Variants in LRRC8D observed in about 807,000 individuals in gnomAD.
LRRC8D encodes volume-regulated anion channel subunit LRRC8D.
A neutral mutation model predicts 55.8 loss-of-function variants in LRRC8D; 20 were observed. The observed-to-expected ratio is 0.36, with a 90% CI of 0.25 to 0.52. The LOEUF (loss-of-function observed/expected upper bound fraction) is 0.52. Among genes scored for constraint, LRRC8D ranks in the 20% least tolerant of loss-of-function variants. The pLI, the probability that LRRC8D is intolerant of heterozygous loss-of-function variation, is 0.93. For missense variants in LRRC8D, 651 were observed against 1,030.8 expected, an observed-to-expected ratio of 0.63 and a Z score of 5.05; for synonymous variants, 352 against 377.0, an observed-to-expected ratio of 0.93 and a Z score of 0.77.
At chr1:89,854,708 G>A (rs1167265698) in intron 2 of LRRC8D, among the ~76,000 whole-genome samples, 1 of 152,212 alleles carries the variant, frequency 6.6e-6, no homozygotes, top group African/African-American at 2.4e-5. Flanking sequence ...GAGAGTAAGA[G>A]CAGCTAGACT....
At chr1:89,828,884 T>G (rs1043861825) in intron 1 of LRRC8D, among the ~76,000 whole-genome samples, 3 of 152,144 alleles carry the variant, frequency 2.0e-5, no homozygotes, top group Non-Finnish European at 4.4e-5. Flanking sequence ...TAGCCAGCAC[T>G]GCAACGAGTT....
intron 2 of LRRC8D, among the ~76,000 whole-genome samples, chr1:89,906,629 C>A (rs938172297): frequency 2.6e-5 from 4 of 152,104 alleles, no homozygotes; most frequent in African/African-American, 9.7e-5. Flanking sequence ...CCAGTTGTCA[C>A]CCAGGACCCA....
chr1:89,913,617 G>A (rs112439551), intron 2 of LRRC8D, among the ~76,000 whole-genome samples: 21 of 152,278 alleles, frequency 1.4e-4, no homozygotes, highest in African/African-American at 5.1e-4. Flanking sequence ...ACAAACAAAT[G>A]CTTGCAACAT....
chr1:89,851,997 ATT>A (rs11288741), intron 2 of LRRC8D, among the ~76,000 whole-genome samples: 2 of 149,712 alleles, frequency 1.3e-5, no homozygotes, highest in Non-Finnish European at 3.0e-5. Flanking sequence ...TAATAGCTGT[ATT>A]TTTTTTTTTC....
At chr1:89,828,051 A>C (rs1433011127) in intron 1 of LRRC8D, among the ~76,000 whole-genome samples, 1 of 152,222 alleles carries the variant, frequency 6.6e-6, no homozygotes, top group Non-Finnish European at 1.5e-5. Flanking sequence ...AGGTAATTCT[A>C]ATGTGCAGCT....
chr1:89,842,810 A>G (rs1317945153), intron 1 of LRRC8D, among the ~76,000 whole-genome samples: 1 of 152,166 alleles, frequency 6.6e-6, no homozygotes, highest in Non-Finnish European at 1.5e-5. Flanking sequence ...GGACTATGGA[A>G]CTTCTCTGTG....
At chr1:89,853,177 A>C (rs1010859496) in intron 2 of LRRC8D, among the ~76,000 whole-genome samples, 1 of 152,192 alleles carries the variant, frequency 6.6e-6, no homozygotes, top group African/African-American at 2.4e-5. Context: ...ATTAGATGGA[A>C]AGTAGGAAGG....
At chr1:89,830,015 G>C (rs1289232465) in intron 1 of LRRC8D, among the ~76,000 whole-genome samples, 1 of 152,036 alleles carries the variant, frequency 6.6e-6, no homozygotes, top group Admixed American at 6.5e-5. Context: ...AAAAACTGCT[G>C]TAACAAATGT....
intron 2 of LRRC8D, among the ~76,000 whole-genome samples, chr1:89,907,392 T>C (rs1663024332): frequency 6.6e-6 from 1 of 152,036 alleles, no homozygotes; most frequent in South Asian, 2.1e-4. Context: ...GGTTTTGCCA[T>C]GTTGGCCAGG....
chr1:89,906,486 T>G (rs1387220614), intron 2 of LRRC8D, among the ~76,000 whole-genome samples: 1 of 152,212 alleles, frequency 6.6e-6, no homozygotes, highest in Non-Finnish European at 1.5e-5. Flanking sequence ...GCCTTTTCTA[T>G]TTTCCCCAAC....
At chr1:89,903,051 T>C (rs1218744534) in intron 2 of LRRC8D, among the ~76,000 whole-genome samples, 3 of 152,220 alleles carry the variant, frequency 2.0e-5, no homozygotes, top group African/African-American at 4.8e-5. Flanking sequence ...AGGTGAGTGC[T>C]GTTGTTTCCC....
At chr1:89,857,494 A>G (rs1334489570) in intron 2 of LRRC8D, among the ~76,000 whole-genome samples, 1 of 151,988 alleles carries the variant, frequency 6.6e-6, no homozygotes, top group African/African-American at 2.4e-5. Flanking sequence ...ACAAGCAGGT[A>G]TTTTATAATC....
intron 2 of LRRC8D, among the ~76,000 whole-genome samples, chr1:89,904,117 G>A (rs1161776185): frequency 6.6e-6 from 1 of 152,218 alleles, no homozygotes; most frequent in Non-Finnish European, 1.5e-5. Context: ...GGTGGGGCAG[G>A]ATGAAAACAC....
At chr1:89,906,240 A>T (rs2100927162) in intron 2 of LRRC8D, among the ~76,000 whole-genome samples, 1 of 152,290 alleles carries the variant, frequency 6.6e-6, no homozygotes, top group African/African-American at 2.4e-5. Context: ...AAAATGCTAA[A>T]CAGAACAAGA....
At chr1:89,919,470 G>GAC (rs1663356942) in intron 2 of LRRC8D, among the ~76,000 whole-genome samples, 1 of 152,174 alleles carries the variant, frequency 6.6e-6, no homozygotes, top group Admixed American at 6.5e-5. Context: ...TGCTATGCCA[G>GAC]GTATATGCTA....
intron 2 of LRRC8D, among the ~76,000 whole-genome samples, chr1:89,928,138 C>T (rs1414815337): frequency 2.0e-5 from 3 of 152,166 alleles, no homozygotes; most frequent in African/African-American, 7.2e-5. Flanking sequence ...GGCATGATCT[C>T]GCCGCACTGC....
At chr1:89,824,072 A>G (rs1362304211) in intron 1 of LRRC8D, among the ~76,000 whole-genome samples, 3 of 152,178 alleles carry the variant, frequency 2.0e-5, no homozygotes, top group Non-Finnish European at 4.4e-5. Context: ...TATGGTTATC[A>G]TAGCGAGGTG....
chr1:89,866,771 C>A (rs1410500198), intron 2 of LRRC8D, among the ~76,000 whole-genome samples: 1 of 152,124 alleles, frequency 6.6e-6, no homozygotes, highest in African/African-American at 2.4e-5. Context: ...CCCTGCAGCC[C>A]ATCCCCTCAG....
intron 2 of LRRC8D, among the ~76,000 whole-genome samples, chr1:89,925,039 A>G (rs1663522360): frequency 6.6e-6 from 1 of 152,120 alleles, no homozygotes; most frequent in Admixed American, 6.5e-5. Flanking sequence ...CCTGTTAGGA[A>G]CCGGGTCGCA....
Sources: allele counts gnomAD v4.1 joint callset (sites outside exome capture counted in the v4.1 genomes callset), GRCh38; gene constraint gnomAD v4.1.1; transcripts MANE v1.5; gene names NCBI Gene and HGNC (gene_info 2026-07-23, HGNC 2026-07-21).